TP53BP1: variants seen among roughly 807,000 people sequenced by gnomAD.
The protein encoded by TP53BP1 is TP53-binding protein 1.
A neutral mutation model predicts 200.8 loss-of-function variants in TP53BP1; 61 were observed. The ratio of observed to expected loss-of-function variants is 0.30; its 90% CI spans 0.25 to 0.38. TP53BP1 has a LOEUF of 0.38. TP53BP1 is among the 10% of genes least tolerant of loss of function. The pLI, the probability that TP53BP1 is intolerant of heterozygous loss-of-function variation, is 1.00. For synonymous variants in TP53BP1, 822 were observed against 844.3 expected (o/e 0.97, Z 0.46); for missense variants, 2,144 against 2,371.9 (o/e 0.90, Z 2.00).
At position 43,427,867 on chromosome 15, in the gene TP53BP1, G is replaced by A. The variant is rs997939142; in HGVS notation, c.3828+149C>T. 6.8e-6 allele frequency: 4 copies of A among 591,146 alleles called. No individual in the cohort carries two copies. In the East Asian group the frequency reaches 8.4e-5, roughly 12 times the overall value. The allele number at this position is 591,146 out of a possible 1,614,324, so 36.6% of individuals were successfully genotyped here. On this transcript the variant is annotated intron_variant, in intron 18 of 27. Transcript: ENST00000382044. ...AACTGCAAGGGAGGCTGAGGCAGAA[G>A]GATCACTTGAGCCTGGGAGGCAGAG...
intron 6 of TP53BP1, 78 bp downstream of exon 6, chr15:43,479,781 C>T: frequency 1.3e-6 from 2 of 1,544,100 alleles, no homozygotes; most frequent in East Asian, 2.3e-5. Flanking sequence ...AGCTGCAAAA[C>T]TTATCAAAGA....
upstream of TP53BP1, among the ~76,000 whole-genome samples, chr15:43,495,618 C>A (rs1195764772): frequency 3.3e-5 from 5 of 151,770 alleles, no homozygotes; most frequent in Non-Finnish European, 5.9e-5. Flanking sequence ...GAGATCGAGA[C>A]CATCCTGGCT....
intron 14 of TP53BP1, among the ~76,000 whole-genome samples, chr15:43,444,863 G>A (rs1007694541): frequency 3.3e-5 from 5 of 151,944 alleles, no homozygotes; most frequent in Admixed American, 6.6e-5. Context: ...CAATTCCCTC[G>A]TCTTTAATCT....
At chr15:43,492,234 GT>G (rs762838107) in intron 2 of TP53BP1, 49 bp downstream of exon 2, 28 of 1,540,196 alleles carry the variant, frequency 1.8e-5, no homozygotes, top group Non-Finnish European at 2.0e-5. Flanking sequence ...CTGGTTTTCG[GT>G]TTAAAAAAAA....
intron 8 of TP53BP1, among the ~76,000 whole-genome samples, chr15:43,476,737 C>T (rs1252355073): frequency 6.6e-6 from 1 of 152,196 alleles, no homozygotes; most frequent in East Asian, 1.9e-4. Flanking sequence ...CTTCCCTTCC[C>T]GCCTTACAAC....
At chr15:43,493,309 G>T, upstream of TP53BP1, 2 of 1,121,878 alleles carry the variant, frequency 1.8e-6, no homozygotes, top group Non-Finnish European at 2.4e-6. Context: ...TGGCAGCATG[G>T]ACGTTGCAGG....
chr15:43,405,111 A>G lies in TP53BP1; in HGVS notation c.*2272T>C. 1 of 1,447,504 alleles carries G rather than the reference A, an allele frequency of 6.9e-7. No individual in the cohort carries two copies. The highest frequency in any genetic ancestry group is 9.7e-7 in the Non-Finnish European group (1 of 1,035,946). 89.7% of individuals were successfully genotyped at this position (1,447,504 alleles called of 1,614,324 possible). On this transcript the variant is annotated 3_prime_UTR_variant, in exon 28 of 28. Transcript: ENST00000382044. ...AACTCTTCAGTTTTAAGATGACATT[A>G]TTTAGATCACAGGTTATCCTGATTC...
chr15:43,468,729 G>A (rs1363027153), intron 11 of TP53BP1, among the ~76,000 whole-genome samples: 3 of 152,170 alleles, frequency 2.0e-5, no homozygotes, highest in African/African-American at 2.4e-5. Flanking sequence ...AACATCCTAC[G>A]AGGTAGACAG....
At chr15:43,491,589 C>G in intron 4 of TP53BP1, 80 bp downstream of exon 4, 1 of 1,040,542 alleles carries the variant, frequency 9.6e-7, no homozygotes, top group East Asian at 2.4e-5. Flanking sequence ...ATCCTTTTAT[C>G]CTTGGGATGA....
At chr15:43,467,300 G>A (rs2046608048) in intron 11 of TP53BP1, among the ~76,000 whole-genome samples, 1 of 152,098 alleles carries the variant, frequency 6.6e-6, no homozygotes, top group Non-Finnish European at 1.5e-5. Flanking sequence ...CTGGGCTCAC[G>A]TGATCCTCCC....
chr15:43,489,071 C>CA (rs991565579), intron 4 of TP53BP1, among the ~76,000 whole-genome samples: 82 of 152,202 alleles, frequency 5.4e-4, no homozygotes, highest in African/African-American at 1.9e-3. Flanking sequence ...CTATGCCTAA[C>CA]AAATTCATAT....
chr15:43,416,680 C>T (rs1306406107), intron 21 of TP53BP1: 1 of 309,492 alleles, frequency 3.2e-6, no homozygotes, highest in Admixed American at 4.8e-5. Flanking sequence ...CAAAGACAGC[C>T]ATTGTGGATT....
At chr15:43,507,918 T>C (rs2079246892) in intron 1 of TP53BP1, among the ~76,000 whole-genome samples, 1 of 152,086 alleles carries the variant, frequency 6.6e-6, no homozygotes, top group African/African-American at 2.4e-5. Flanking sequence ...TTCCATTATG[T>C]ACCCCAGGCT....
intron 1 of TP53BP1, among the ~76,000 whole-genome samples, chr15:43,503,775 A>G (rs960829292): frequency 6.6e-6 from 1 of 152,056 alleles, no homozygotes; most frequent in Non-Finnish European, 1.5e-5. Context: ...TCTTCTTTGC[A>G]GTGTTTTAAA....
At chr15:43,460,406 G>A (rs2046402472) in intron 11 of TP53BP1, among the ~76,000 whole-genome samples, 1 of 152,062 alleles carries the variant, frequency 6.6e-6, no homozygotes, top group South Asian at 2.1e-4. Flanking sequence ...AACTACAGGT[G>A]CGCACCACCA....
In TP53BP1 at chr15:43,416,215, A is replaced by G. The variant is rs544424201; in HGVS notation, c.4873+10T>C. The G allele has an allele frequency of 4.4e-6, 7 of 1,608,934 alleles. No individual in the cohort carries two copies. Among genetic ancestry groups the G allele is most frequent in the African/African-American group, 4.0e-5 (3 of 74,824 alleles). Reference sequence around the variant, plus strand: ...CCCAAAAGCAGCTGTTCAGGAAGCAAAAGTCTTACCTAAGCTGATATCTGC... The same window carrying G: ...CCCAAAAGCAGCTGTTCAGGAAGCAGAAGTCTTACCTAAGCTGATATCTGC... On this transcript the variant is annotated intron_variant, in intron 22 of 27. Coordinates refer to ENST00000382044, the MANE Select transcript of TP53BP1 (RefSeq NM_001141980.3).
At chr15:43,492,740 T>C (rs557752754) in intron 1 of TP53BP1, among the ~76,000 whole-genome samples, 9 of 150,754 alleles carry the variant, frequency 6.0e-5, no homozygotes, top group Non-Finnish European at 8.9e-5. Context: ...TCCTAACCTC[T>C]TCTCTCCCCG....
At chr15:43,505,074 A>G (rs2140183924) in intron 1 of TP53BP1, among the ~76,000 whole-genome samples, 1 of 152,264 alleles carries the variant, frequency 6.6e-6, no homozygotes, top group East Asian at 1.9e-4. Flanking sequence ...TATTTGCAGG[A>G]GGTAATGTTG....
chr15:43,452,048 T>A (rs974487281), intron 12 of TP53BP1, among the ~76,000 whole-genome samples: 1 of 152,112 alleles, frequency 6.6e-6, no homozygotes, highest in Non-Finnish European at 1.5e-5. Context: ...GGCACAAGAA[T>A]CACTTGAACC....
Sources: gnomAD v4.1 joint callset for allele counts (sites outside exome capture counted in the v4.1 genomes callset) on GRCh38, gnomAD v4.1.1 for gene constraint, MANE v1.5 for transcripts, NCBI Gene and HGNC (gene_info 2026-07-23, HGNC 2026-07-21) for gene names.